The following LRP1B variants were observed in gnomAD, a reference collection of about 807,000 sequenced individuals.
LRP1B encodes LDL receptor related protein 1B, also known as low-density lipoprotein receptor-related protein 1B.
In LRP1B, 217 loss-of-function variants were observed where a neutral mutation model predicts 556.6. That is an observed-to-expected ratio of 0.39 (90% CI 0.35 to 0.44). The LOEUF is 0.44. Among genes scored for constraint, LRP1B ranks in the 20% least tolerant of loss-of-function variants. The probability of loss-of-function intolerance (pLI) is 1.00; values close to 1 mark genes in which losing one functional copy is unlikely to be tolerated. For synonymous variants in LRP1B, 2,047 were observed against 1,865.8 expected (o/e 1.10, Z -2.50); for missense variants, 5,053 against 5,620.8 (o/e 0.90, Z 3.23).
chr2:140,814,556 G>T (rs1691039418), intron 31 of LRP1B, among the ~76,000 whole-genome samples: 1 of 152,106 alleles, frequency 6.6e-6, no homozygotes, highest in Non-Finnish European at 1.5e-5. Context: ...ACTCATTTGG[G>T]ATACTAATTT....
intron 2 of LRP1B, among the ~76,000 whole-genome samples, chr2:141,583,208 A>G (rs1419584907): frequency 2.0e-5 from 3 of 152,208 alleles, no homozygotes; most frequent in Non-Finnish European, 4.4e-5. Context: ...AGGAAGACTT[A>G]TTTCGCAACT....
At chr2:141,039,354 A>G (rs1188035984) in intron 11 of LRP1B, among the ~76,000 whole-genome samples, 1 of 152,064 alleles carries the variant, frequency 6.6e-6, no homozygotes, top group East Asian at 1.9e-4. Context: ...TGAGTCTCTT[A>G]CTATGCCCAT....
At chr2:141,119,821 G>A (rs1701001135) in intron 7 of LRP1B, among the ~76,000 whole-genome samples, 1 of 151,422 alleles carries the variant, frequency 6.6e-6, no homozygotes, top group Admixed American at 6.6e-5. Flanking sequence ...ACAGAGCAGG[G>A]GATAAAGAGA....
At chr2:141,782,603 AAG>A (rs1695292949) in intron 2 of LRP1B, among the ~76,000 whole-genome samples, 1 of 151,136 alleles carries the variant, frequency 6.6e-6, no homozygotes, top group Non-Finnish European at 1.5e-5. Context: ...AAAAAAGACA[AAG>A]AGGAAGAACT....
intron 43 of LRP1B, among the ~76,000 whole-genome samples, chr2:140,588,701 C>T (rs938107119): frequency 2.6e-5 from 4 of 152,158 alleles, no homozygotes; most frequent in East Asian, 1.9e-4. Context: ...TGCATTGGCT[C>T]GTGCCTGTAA....
chr2:141,166,573 TAA>T (rs879832712), intron 7 of LRP1B, among the ~76,000 whole-genome samples: 5 of 151,856 alleles, frequency 3.3e-5, no homozygotes, highest in Non-Finnish European at 7.4e-5. Context: ...AAATATACAA[TAA>T]GTCATTGTTG....
chr2:141,210,478 A>G lies in LRP1B; in HGVS notation c.850+18705T>C, dbSNP rs532614603. 2.0e-5 allele frequency among the ~76,000 whole-genome samples: 3 copies of G among 152,172 alleles called. No homozygotes were observed. The East Asian group carries it at 5.8e-4, about 29-fold the overall frequency. On this transcript the variant is annotated intron_variant, in intron 6 of 90. Transcript: ENST00000389484. Reference sequence around the variant, plus strand: ...ATAAAGACAAAATCTATTATCAGAAACATCAGTTTCATAATTAAACATTAT... The same window carrying G: ...ATAAAGACAAAATCTATTATCAGAAGCATCAGTTTCATAATTAAACATTAT...
intron 3 of LRP1B, among the ~76,000 whole-genome samples, chr2:141,319,858 T>G (rs1687175254): frequency 6.6e-6 from 1 of 152,114 alleles, no homozygotes; most frequent in Non-Finnish European, 1.5e-5. Context: ...CAAATTATAC[T>G]GTAAATTAGA....
At chr2:141,427,280 C>G (rs1680405312) in intron 3 of LRP1B, among the ~76,000 whole-genome samples, 1 of 151,924 alleles carries the variant, frequency 6.6e-6, no homozygotes, top group Non-Finnish European at 1.5e-5. Flanking sequence ...TATTATAGTA[C>G]AATAATTTAA....
At chr2:141,272,821 CA>C (rs1685136778) in intron 3 of LRP1B, among the ~76,000 whole-genome samples, 1 of 151,986 alleles carries the variant, frequency 6.6e-6, no homozygotes, top group Non-Finnish European at 1.5e-5. Flanking sequence ...ATATATGAAG[CA>C]AAAGCTGACA....
At chr2:140,780,718 GT>G (rs1689668368) in intron 32 of LRP1B, among the ~76,000 whole-genome samples, 1 of 152,096 alleles carries the variant, frequency 6.6e-6, no homozygotes, top group South Asian at 2.1e-4. Flanking sequence ...ATGGGCCTGG[GT>G]TACATTCATT....
intron 1 of LRP1B, among the ~76,000 whole-genome samples, chr2:141,992,061 G>A (rs1328952133): frequency 3.9e-5 from 6 of 151,990 alleles, no homozygotes; most frequent in South Asian, 2.1e-4. Context: ...AGCCCACAGC[G>A]CATCCCTCTA....
intron 43 of LRP1B, among the ~76,000 whole-genome samples, chr2:140,563,989 A>G (rs753330237): frequency 7.2e-5 from 11 of 152,290 alleles, no homozygotes; most frequent in Middle Eastern, 3.4e-3. Context: ...AGGGGTAGAC[A>G]GGGTAACAAG....
intron 3 of LRP1B, among the ~76,000 whole-genome samples, chr2:141,291,310 T>C (rs1420293715): frequency 1.3e-5 from 2 of 152,174 alleles, no homozygotes; most frequent in African/African-American, 4.8e-5. Flanking sequence ...TATAGAACAT[T>C]TTATCTTTAT....
intron 41 of LRP1B, among the ~76,000 whole-genome samples, chr2:140,660,734 G>A (rs1685062179): frequency 1.3e-5 from 2 of 151,940 alleles, no homozygotes; most frequent in Non-Finnish European, 2.9e-5. Flanking sequence ...TTCTCCAACA[G>A]CTTTCAAAGA....
At chr2:140,671,545 TC>T (rs201736297) in intron 41 of LRP1B, among the ~76,000 whole-genome samples, 4,539 of 151,972 alleles carry the variant, frequency 0.03, 102 homozygotes, top group South Asian at 0.046. Context: ...ACAAAAAACA[TC>T]CGTTTTCTTG....
intron 47 of LRP1B, among the ~76,000 whole-genome samples, chr2:140,529,659 C>T (rs561013982): frequency 6.6e-6 from 1 of 152,096 alleles, no homozygotes; most frequent in South Asian, 2.1e-4. Flanking sequence ...TGCCAGTTTC[C>T]TCTCCTTTAG....
rs57938880 is a variant in LRP1B, at chr2:140,405,139, T to A, written c.10415-19130A>T. 2.2e-3 allele frequency among the ~76,000 whole-genome samples: 334 copies of A among 152,270 alleles called. 1 individual carries two copies. Among genetic ancestry groups the A allele is most frequent in the Middle Eastern group, 6.8e-3 (2 of 294 alleles). On this transcript the variant is annotated intron_variant, in intron 66 of 90. Coordinates refer to ENST00000389484, the MANE Select transcript of LRP1B (RefSeq NM_018557.3). The stretch of plus-strand genomic sequence containing the variant: ...ATCTAGGTTAACAATGAAATCAAGA[T>A]GCAAATGAAAAAATTCTTTGAGATG...
intron 1 of LRP1B, among the ~76,000 whole-genome samples, chr2:142,123,400 T>G (rs1707524137): frequency 6.6e-6 from 1 of 151,984 alleles, no homozygotes; most frequent in Non-Finnish European, 1.5e-5. Context: ...GGAAGGGATG[T>G]CCTATTGATT....
Sources: gnomAD v4.1 joint callset for allele counts (sites outside exome capture counted in the v4.1 genomes callset) on GRCh38, gnomAD v4.1.1 for gene constraint, MANE v1.5 for transcripts, NCBI Gene and HGNC (gene_info 2026-07-23, HGNC 2026-07-21) for gene names.